Variants in TMEM138 observed in about 807,000 individuals in gnomAD.
The protein encoded by TMEM138 is transmembrane protein 138.
In TMEM138, 9 loss-of-function variants were observed where a neutral mutation model predicts 18.1. The ratio of observed to expected loss-of-function variants is 0.50; its 90% CI spans 0.30 to 0.87. The LOEUF is 0.87. Among genes scored for constraint, TMEM138 ranks in the 40% least tolerant of loss-of-function variants. The pLI, the probability that TMEM138 is intolerant of heterozygous loss-of-function variation, is 0.06. For synonymous variants in TMEM138, 79 were observed against 74.8 expected, an observed-to-expected ratio of 1.06 and a Z score of -0.29; for missense variants, 189 against 190.6, an observed-to-expected ratio of 0.99 and a Z score of 0.05.
downstream of TMEM138, among the ~76,000 whole-genome samples, chr11:61,371,586 T>C (rs1056434827): frequency 6.6e-6 from 1 of 152,162 alleles, no homozygotes; most frequent in African/African-American, 2.4e-5. Flanking sequence ...TGATGATGCT[T>C]GTATTGATGA....
intron 2 of TMEM138, 42 bp from the exon 3 acceptor site, chr11:61,366,003 C>T: frequency 4.4e-6 from 7 of 1,582,398 alleles, no homozygotes; most frequent in Non-Finnish European, 6.0e-6. Flanking sequence ...CTTGGGTCCT[C>T]ACACAGGCCT....
At chr11:61,371,364 T>G (rs1198429684), downstream of TMEM138, among the ~76,000 whole-genome samples, 2 of 152,108 alleles carry the variant, frequency 1.3e-5, no homozygotes. Context: ...CACAGCCTTT[T>G]GTCAAAGCAT....
downstream of TMEM138, among the ~76,000 whole-genome samples, chr11:61,374,675 C>A (rs778645855): frequency 6.6e-6 from 1 of 152,086 alleles, no homozygotes; most frequent in Non-Finnish European, 1.5e-5. Flanking sequence ...CTAGGCCAGG[C>A]GTGGTGACTC....
intron 4 of TMEM138, 127 bp from the exon 5 acceptor site, chr11:61,368,470 C>T (rs1858233124): frequency 3.2e-6 from 2 of 630,714 alleles, no homozygotes; most frequent in African/African-American, 1.8e-5. Context: ...TCATGATCCG[C>T]CTGCCTCTGC....
Position 61,364,433 on chromosome 11 carries a change from T to G in TMEM138, c.43T>G (p.Phe15Val). Residue 15 changes from phenylalanine to valine, a missense_variant, in exon 2 of 5, where the codon TTC becomes GTC. Phe to Val is a conservative substitution (Grantham distance 50). Coordinates refer to ENST00000278826, the MANE Select transcript of TMEM138 (RefSeq NM_016464.5). Reference sequence around the variant, plus strand: ...CTACAGCCTGGTGCTCTCTCTGCAGTTCCTGCTGCTGTCCTATGACCTCTT... The same window carrying G: ...CTACAGCCTGGTGCTCTCTCTGCAGGTCCTGCTGCTGTCCTATGACCTCTT... ...SNYSLVLSLQ[F>V]LLLSYDLFVN... is the part of the protein sequence containing the mutation. 1.2e-6 allele frequency: 2 copies of G among 1,614,232 alleles called. No homozygotes were observed. Among genetic ancestry groups the G allele is most frequent in the Non-Finnish European group, 1.7e-6 (2 of 1,180,030 alleles).
At chr11:61,374,770 G>GAA (rs971619326), downstream of TMEM138, among the ~76,000 whole-genome samples, 9 of 152,172 alleles carry the variant, frequency 5.9e-5, no homozygotes, top group African/African-American at 2.2e-4. Context: ...CCAACAAGGT[G>GAA]AAACCCTGTC....
At position 61,364,522 on chromosome 11, in the gene TMEM138, C is replaced by A; in HGVS notation, c.128+4C>A. 1 of 1,613,972 alleles carries A rather than the reference C, an allele frequency of 6.2e-7. No homozygotes were observed. Reference sequence around the variant, plus strand: ...TCATCCAGCTTGTGCTCTTCATGTGCGTGCAGTAAGGCACTCTGGAAAGCT... The same window carrying A: ...TCATCCAGCTTGTGCTCTTCATGTGAGTGCAGTAAGGCACTCTGGAAAGCT... On this transcript the variant is annotated splice_donor_region_variant and intron_variant, in intron 2 of 4. Transcript: ENST00000278826.
chr11:61,367,609 C>T (rs1197971331), intron 3 of TMEM138: 16 of 273,692 alleles, frequency 5.8e-5, no homozygotes, highest in African/African-American at 6.6e-5. Flanking sequence ...GCTGAGCCAG[C>T]GATTTTTCAA....
downstream of TMEM138, among the ~76,000 whole-genome samples, chr11:61,373,169 C>T (rs766538668): frequency 2.4e-4 from 37 of 152,058 alleles, no homozygotes; most frequent in Admixed American, 7.2e-4. Flanking sequence ...TCCTGAAGCA[C>T]GGGGCTGGAA....
chr11:61,365,865 G>T, intron 2 of TMEM138, 180 bp from the exon 3 acceptor site: 1 of 659,520 alleles, frequency 1.5e-6, no homozygotes, highest in East Asian at 3.2e-5. Flanking sequence ...GGTAATTTTA[G>T]GTAATTTTAG....
At chr11:61,373,720 A>T (rs1451579397), downstream of TMEM138, among the ~76,000 whole-genome samples, 1 of 152,164 alleles carries the variant, frequency 6.6e-6, no homozygotes, top group Non-Finnish European at 1.5e-5. Context: ...TATAAAAATT[A>T]TACAGGAAAC....
intron 3 of TMEM138, chr11:61,366,441 C>T: frequency 2.2e-6 from 1 of 459,450 alleles, no homozygotes; most frequent in South Asian, 4.2e-5. Flanking sequence ...CGCTAAAGGG[C>T]TAGGAATAAC....
chr11:61,368,046 T>C, intron 4 of TMEM138, 48 bp downstream of exon 4: 1 of 1,314,008 alleles, frequency 7.6e-7, no homozygotes, highest in South Asian at 1.2e-5. Context: ...CACATGTGTC[T>C]CTTTCAGTGA....
rs770714945 is a variant in TMEM138, at chr11:61,368,589, C to G, written c.377-8C>G. 6.3e-6 allele frequency: 10 copies of G among 1,599,440 alleles called. No individual in the cohort carries two copies. The highest frequency in any genetic ancestry group is 8.6e-6 in the Non-Finnish European group (10 of 1,167,488). On this transcript the variant is annotated splice_polypyrimidine_tract_variant and splice_region_variant and intron_variant, in intron 4 of 4. Transcript: ENST00000278826. The stretch of plus-strand genomic sequence containing the variant: ...CCCTGAGGCTTCTCTTCTGCTTCCT[C>G]CCCACAGCAGCAGTGTTGTACTGCT...
At chr11:61,369,821 T>G (rs918772077), downstream of TMEM138, among the ~76,000 whole-genome samples, 2 of 152,186 alleles carry the variant, frequency 1.3e-5, no homozygotes, top group African/African-American at 2.4e-5. Context: ...CTAGCCTGGA[T>G]CTGCTCACAC....
chr11:61,366,138 A>G lies in TMEM138; in HGVS notation c.222A>G (p.Leu74=), dbSNP rs1162763617. The change falls in exon 3 of 5, where the codon CTA becomes CTG. Residue 74 remains leucine, a synonymous_variant. Transcript: ENST00000278826. ...TCCAGGCTGGCCTGGTCAACCTCCT[A>G]TTCCATAAGTTCAAAGGGACCATCA... ...FVFQAGLVNL[L]FHKFKGTIIL... is the part of the protein sequence containing the mutation. The G allele has an allele frequency of 6.2e-7, 1 of 1,614,114 alleles. No homozygotes were observed. Among genetic ancestry groups the G allele is most frequent in the Non-Finnish European group, 8.5e-7 (1 of 1,180,022 alleles).
chr11:61,367,152 A>T (rs1220438242), intron 3 of TMEM138: 1 of 152,186 alleles, frequency 6.6e-6, no homozygotes, highest in Non-Finnish European at 1.5e-5. Flanking sequence ...TGAGTGCTCC[A>T]TGCCGTCTGC....
At chr11:61,370,779 G>C (rs1858321446), downstream of TMEM138, among the ~76,000 whole-genome samples, 1 of 152,102 alleles carries the variant, frequency 6.6e-6, no homozygotes, top group South Asian at 2.1e-4. Flanking sequence ...ACTGAAGCAT[G>C]AAAGCTTCCA....
chr11:61,364,841 G>A (rs1858078735), intron 2 of TMEM138: 1 of 171,762 alleles, frequency 5.8e-6, no homozygotes, highest in Non-Finnish European at 1.2e-5. Flanking sequence ...GCTACAGTGA[G>A]CCATGATCAT....
Sources: gnomAD v4.1 joint callset for allele counts (sites outside exome capture counted in the v4.1 genomes callset) on GRCh38, gnomAD v4.1.1 for gene constraint, MANE v1.5 for transcripts, NCBI Gene and HGNC (gene_info 2026-07-23, HGNC 2026-07-21) for gene names.